CUBN: variants seen among roughly 807,000 people sequenced by gnomAD.
CUBN encodes the protein 460 kDa receptor.
Under a neutral mutation model 405.3 loss-of-function variants are expected in CUBN, and 282 were observed. The ratio of observed to expected loss-of-function variants is 0.70; its 90% CI spans 0.63 to 0.77. The LOEUF (loss-of-function observed/expected upper bound fraction) is 0.77, where lower values mean the gene tolerates loss of function less well. Among genes scored for constraint, CUBN ranks in the 30% least tolerant of loss-of-function variants. The probability of loss-of-function intolerance (pLI) is 0.00; values close to 1 mark genes in which losing one functional copy is unlikely to be tolerated. For missense variants in CUBN, 4,514 were observed against 4,475.2 expected, an observed-to-expected ratio of 1.01 and a Z score of -0.25; for synonymous variants, 1,684 against 1,617.0, an observed-to-expected ratio of 1.04 and a Z score of -0.99.
intron 56 of CUBN, among the ~76,000 whole-genome samples, chr10:16,884,937 A>C (rs1840769308): frequency 6.6e-6 from 1 of 152,150 alleles, no homozygotes; most frequent in African/African-American, 2.4e-5. Context: ...AGCCATTTGA[A>C]CAGAGTCTCT....
chr10:16,977,719 C>G (rs1449059559), intron 31 of CUBN, among the ~76,000 whole-genome samples: 2 of 152,164 alleles, frequency 1.3e-5, no homozygotes, highest in African/African-American at 2.4e-5. Context: ...TGTAGCATGC[C>G]CACTAGGGCT....
rs138894566 is a variant in CUBN, at chr10:16,965,960, G to A, written c.4696-11412C>T. The A allele has an allele frequency of 1.7e-3, 805 of 471,108 alleles. 5 individuals are homozygous for A. Among genetic ancestry groups the A allele is most frequent in the African/African-American group, 0.014 (726 of 50,146 alleles). The allele number at this position is 471,108 out of a possible 1,614,324, so 29.2% of individuals were successfully genotyped here. On this transcript the variant is annotated intron_variant, in intron 31 of 66. Coordinates refer to ENST00000377833, the MANE Select transcript of CUBN (RefSeq NM_001081.4). ...TACAAACCCCATCTGTCTGACGTCCGACCAAGTATGATTAAACCTAGAGAA... is the reference window on the plus strand; with the variant it reads ...TACAAACCCCATCTGTCTGACGTCCAACCAAGTATGATTAAACCTAGAGAA...
intron 27 of CUBN, among the ~76,000 whole-genome samples, chr10:17,032,494 C>A (rs1464380253): frequency 6.6e-6 from 1 of 152,082 alleles, no homozygotes; most frequent in Non-Finnish European, 1.5e-5. Context: ...CCATCTCAAT[C>A]CCTGTTCTCC....
intron 50 of CUBN, among the ~76,000 whole-genome samples, chr10:16,905,031 G>A (rs74116760): frequency 0.034 from 5,206 of 152,272 alleles, 309 homozygotes; most frequent in African/African-American, 0.12. Flanking sequence ...TGTCGCTCAC[G>A]TTCTCAAAGG....
chr10:16,976,047 T>A (rs1833083882), intron 31 of CUBN, among the ~76,000 whole-genome samples: 1 of 151,068 alleles, frequency 6.6e-6, no homozygotes, highest in Non-Finnish European at 1.5e-5. Context: ...CTGTGCTCAC[T>A]GCAACTCCTG....
intron 56 of CUBN, among the ~76,000 whole-genome samples, chr10:16,879,775 C>T (rs1473390178): frequency 2.0e-5 from 3 of 152,162 alleles, no homozygotes; most frequent in Non-Finnish European, 4.4e-5. Context: ...GTGGCATTTG[C>T]CAATTTCCAT....
intron 3 of CUBN, among the ~76,000 whole-genome samples, chr10:17,127,212 TTC>T (rs138178923): frequency 2.7e-4 from 30 of 109,568 alleles, no homozygotes; most frequent in Middle Eastern, 4.1e-3. Flanking sequence ...CTGTCTTTCT[TTC>T]TCTCTCTCTC....
chr10:16,881,289 C>T lies in CUBN; in HGVS notation c.8906-4192G>A, dbSNP rs551007177. On this transcript the variant is annotated intron_variant, in intron 56 of 66. Coordinates refer to ENST00000377833, the MANE Select transcript of CUBN (RefSeq NM_001081.4). The stretch of plus-strand genomic sequence containing the variant: ...TGTGGGCTAATGATATAAATGATCA[C>T]AGTGGCAGTTGTCTTAGAAAACAGT... Among the ~76,000 whole-genome samples the T allele has an allele frequency of 3.9e-5, 6 of 152,264 alleles. No individual in the cohort carries two copies. The South Asian group carries it at 1.2e-3, about 32-fold the overall frequency.
chr10:16,919,427 T>G (rs1408693601), intron 44 of CUBN, among the ~76,000 whole-genome samples: 3 of 152,226 alleles, frequency 2.0e-5, no homozygotes, highest in Non-Finnish European at 4.4e-5. Context: ...GAAAAATGTT[T>G]TCTACGATCA....
At chr10:16,955,324 G>C (rs927833233) in intron 31 of CUBN, among the ~76,000 whole-genome samples, 2 of 132,094 alleles carry the variant, frequency 1.5e-5, no homozygotes, top group East Asian at 2.5e-4. Flanking sequence ...AGTGAGCTGA[G>C]ATCCCACCAC....
chr10:16,863,429 T>C (rs1326148581), intron 59 of CUBN, among the ~76,000 whole-genome samples: 2 of 152,240 alleles, frequency 1.3e-5, no homozygotes, highest in Non-Finnish European at 2.9e-5. Context: ...ATTGCTAAAC[T>C]GAGAGTTGTT....
At chr10:16,916,498 A>G (rs1841889240) in intron 45 of CUBN, among the ~76,000 whole-genome samples, 1 of 152,320 alleles carries the variant, frequency 6.6e-6, no homozygotes, top group South Asian at 2.1e-4. Flanking sequence ...ACAGTTCACT[A>G]CAGTAACTGA....
At chr10:16,872,870 C>T (rs979554161) in intron 58 of CUBN, among the ~76,000 whole-genome samples, 1 of 152,198 alleles carries the variant, frequency 6.6e-6, no homozygotes, top group African/African-American at 2.4e-5. Context: ...TCCCCAAGAC[C>T]TAAAAGACAC....
Position 17,047,501 on chromosome 10 carries a change from C to T in CUBN, c.3242G>A (p.Arg1081Lys), listed in dbSNP as rs1835164968. Residue 1081 changes from arginine (R) to lysine (K), a missense_variant, in exon 23 of 67, where the codon AGA (arginine) becomes AAA (lysine). Around this residue, in one of 5 missense-constraint regions of CUBN, gnomAD observed 1,448 missense variants for 1,388.0 expected, o/e 1.04. Transcript: ENST00000377833. ...GTGCACTGCAATCAGTTGGCCAGTT[C>T]TCACTGTGATCCGATAAATGCATTC... ...NWECIYRITVRTGQLIAVHFT... is the reference protein window; with the variant it reads ...NWECIYRITVKTGQLIAVHFT... 5 of 1,613,830 alleles carry T rather than the reference C, an allele frequency of 3.1e-6. No homozygotes were observed. Among genetic ancestry groups the T allele is most frequent in the Non-Finnish European group, 2.5e-6 (3 of 1,179,856 alleles).
At chr10:17,097,681 G>T (rs1161050338) in intron 14 of CUBN, among the ~76,000 whole-genome samples, 1 of 152,020 alleles carries the variant, frequency 6.6e-6, no homozygotes, top group Non-Finnish European at 1.5e-5. Flanking sequence ...TGAACAAATG[G>T]AAAATATTTG....
intron 59 of CUBN, among the ~76,000 whole-genome samples, chr10:16,862,160 TCACACA>T (rs66664283): frequency 2.3e-5 from 3 of 131,158 alleles, no homozygotes; most frequent in African/African-American, 6.5e-5. Context: ...TCTCTCTCTC[TCACACA>T]CACACACACA....
At chr10:16,907,429 C>T in intron 49 of CUBN, 79 bp downstream of exon 49, 1 of 1,419,872 alleles carries the variant, frequency 7.0e-7, no homozygotes, top group South Asian at 1.2e-5. Context: ...ATGGATGGCT[C>T]TGCTGCCATT....
At chr10:17,109,971 T>C (rs971125072) in intron 9 of CUBN, among the ~76,000 whole-genome samples, 2 of 152,192 alleles carry the variant, frequency 1.3e-5, no homozygotes, top group African/African-American at 2.4e-5. Flanking sequence ...GAAAAAAATA[T>C]GTATAAAACT....
At chr10:16,924,149 G>A (rs1172734615) in intron 43 of CUBN, among the ~76,000 whole-genome samples, 4 of 152,138 alleles carry the variant, frequency 2.6e-5, no homozygotes, top group Admixed American at 1.3e-4. Flanking sequence ...ATGGGCTGAC[G>A]TCTACTCACT....
Sources: gnomAD v4.1 joint callset for allele counts (sites outside exome capture counted in the v4.1 genomes callset) on GRCh38, gnomAD v4.1.1 for gene constraint, gnomAD v4.1.1 regional missense constraint, MANE v1.5 for transcripts, NCBI Gene and HGNC (gene_info 2026-07-23, HGNC 2026-07-21) for gene names.